Variants in NFIB observed in about 807,000 individuals in gnomAD.
NFIB encodes nuclear factor I B, also known as nuclear factor 1 B-type.
Under a neutral mutation model 61.5 loss-of-function variants are expected in NFIB, and 11 were observed. The ratio of observed to expected loss-of-function variants is 0.18; its 90% CI spans 0.11 to 0.30. NFIB has a LOEUF of 0.30. Among genes scored for constraint, NFIB ranks in the 10% least tolerant of loss-of-function variants. The pLI is 1.00. For synonymous variants in NFIB, 260 were observed against 216.5 expected, an observed-to-expected ratio of 1.20 and a Z score of -1.76; for missense variants, 471 against 608.9, an observed-to-expected ratio of 0.77 and a Z score of 2.38.
chr9:14,178,295 G>A (rs1208877192), intron 3 of NFIB, among the ~76,000 whole-genome samples: 2 of 152,152 alleles, frequency 1.3e-5, no homozygotes, highest in African/African-American at 4.8e-5. Context: ...CTGAACTTCT[G>A]AAAATTTTTG....
chr9:14,132,115 T>G (rs191532731), intron 6 of NFIB, among the ~76,000 whole-genome samples: 56 of 152,290 alleles, frequency 3.7e-4, no homozygotes, highest in Admixed American at 3.3e-3. Flanking sequence ...CACGCAAGAA[T>G]TCTTGAATTT....
At chr9:14,299,801 C>A (rs562069800) in intron 2 of NFIB, among the ~76,000 whole-genome samples, 1 of 152,240 alleles carries the variant, frequency 6.6e-6, no homozygotes, top group South Asian at 2.1e-4. Flanking sequence ...TTACTATAAA[C>A]AATATAGTTA....
At chr9:14,269,689 T>C (rs955050041) in intron 2 of NFIB, among the ~76,000 whole-genome samples, 3 of 152,216 alleles carry the variant, frequency 2.0e-5, no homozygotes, top group Admixed American at 6.5e-5. Flanking sequence ...AGTTCTACAA[T>C]TGGTGGCTTT....
the NFIB span, among the ~76,000 whole-genome samples, chr9:14,420,445 CA>C: frequency 0.022 from 937 of 42,330 alleles, 3 homozygotes; most frequent in African/African-American, 0.082. Flanking sequence ...GACTCCGTCT[CA>C]AAAAAAAAAA....
the NFIB span, among the ~76,000 whole-genome samples, chr9:14,489,127 G>C: frequency 6.6e-6 from 1 of 152,206 alleles, no homozygotes; most frequent in Non-Finnish European, 1.5e-5. Flanking sequence ...CCCTAGGTAA[G>C]TGAGGAATTG....
intron 10 of NFIB, among the ~76,000 whole-genome samples, chr9:14,089,186 T>C (rs1263809976): frequency 6.6e-6 from 1 of 152,050 alleles, no homozygotes; most frequent in South Asian, 2.1e-4. Context: ...AACAGAAGCC[T>C]GAGCATTTCC....
intron 2 of NFIB, among the ~76,000 whole-genome samples, chr9:14,284,291 G>C (rs1400048715): frequency 6.6e-6 from 1 of 152,172 alleles, no homozygotes. Context: ...TTATAAAACA[G>C]TAATAATAAG....
intron 2 of NFIB, chr9:14,204,412 GA>G: frequency 8.8e-7 from 1 of 1,137,798 alleles, no homozygotes; most frequent in Non-Finnish European, 1.3e-6. Flanking sequence ...CCCGCTTTGT[GA>G]AATGGCCCCG....
chr9:14,194,008 C>T (rs1321989989), intron 2 of NFIB, among the ~76,000 whole-genome samples: 6 of 151,968 alleles, frequency 3.9e-5, no homozygotes, highest in Admixed American at 6.6e-5. Context: ...CTTTTTAAAA[C>T]ATTATTTTCC....
chr9:14,287,598 A>G (rs980682666), intron 2 of NFIB, among the ~76,000 whole-genome samples: 3 of 151,214 alleles, frequency 2.0e-5, no homozygotes, highest in Non-Finnish European at 4.4e-5. Flanking sequence ...AATTTTTTGT[A>G]TTTTTTAGTA....
chr9:14,446,463 T>C, the NFIB span, among the ~76,000 whole-genome samples: 1 of 152,188 alleles, frequency 6.6e-6, no homozygotes, highest in Non-Finnish European at 1.5e-5. Context: ...TCTTTCTGGA[T>C]AATTTCTACA....
chr9:14,294,366 A>G (rs188652340), intron 2 of NFIB, among the ~76,000 whole-genome samples: 204 of 152,354 alleles, frequency 1.3e-3, no homozygotes, highest in Admixed American at 2.5e-3. Flanking sequence ...TTTAACAACC[A>G]TGTATACGCT....
chr9:14,427,909 C>T, the NFIB span, among the ~76,000 whole-genome samples: 1 of 115,950 alleles, frequency 8.6e-6, no homozygotes, highest in Non-Finnish European at 1.8e-5. Flanking sequence ...AGAAAAGGTA[C>T]AGATCTACAT....
At chr9:14,418,586 C>G in the NFIB span, among the ~76,000 whole-genome samples, 1 of 152,168 alleles carries the variant, frequency 6.6e-6, no homozygotes, top group Non-Finnish European at 1.5e-5. Context: ...GCTGCAGAGT[C>G]TGCGTGTGAG....
At position 14,299,947 on chromosome 9, in the gene NFIB, TAAC is replaced by T. The variant is rs2059661061; in HGVS notation, c.562+7039_562+7041del. Among the ~76,000 whole-genome samples the T allele has an allele frequency of 2.0e-5, 3 of 152,328 alleles. No individual in the cohort carries two copies. The South Asian group carries it at 6.2e-4, about 32-fold the overall frequency. On this transcript the variant is annotated intron_variant, in intron 2 of 10. Coordinates refer to ENST00000380953, the MANE Select transcript of NFIB (RefSeq NM_001190737.2). The stretch of plus-strand genomic sequence containing the variant: ...ATTTCTTCCAATTTTCTGAATAATA[TAAC>T]AACCAAAAAGCCCAACCATTCAAGT...
chr9:14,154,457 G>A (rs1413056932), intron 4 of NFIB, among the ~76,000 whole-genome samples: 1 of 152,078 alleles, frequency 6.6e-6, no homozygotes, highest in African/African-American at 2.4e-5. Flanking sequence ...TGGTAAGTCA[G>A]GCATATTTCT....
intron 1 of NFIB, among the ~76,000 whole-genome samples, chr9:14,371,847 A>G (rs1043346372): frequency 6.6e-6 from 1 of 152,200 alleles, no homozygotes; most frequent in Non-Finnish European, 1.5e-5. Context: ...TTGTCAATGT[A>G]CTTGTTCTCA....
intron 1 of NFIB, among the ~76,000 whole-genome samples, chr9:14,339,419 C>A (rs1000900502): frequency 1.3e-5 from 2 of 152,144 alleles, no homozygotes; most frequent in African/African-American, 4.8e-5. Context: ...ATGGCTGATT[C>A]TTTGATCATT....
the NFIB span, among the ~76,000 whole-genome samples, chr9:14,443,228 C>T: frequency 1.4e-4 from 21 of 152,182 alleles, no homozygotes; most frequent in Non-Finnish European, 2.9e-5. Context: ...GAATGATCAT[C>T]TCCGTTCTCC....
Sources: allele counts gnomAD v4.1 joint callset (sites outside exome capture counted in the v4.1 genomes callset), GRCh38; gene constraint gnomAD v4.1.1; transcripts MANE v1.5; gene names NCBI Gene and HGNC (gene_info 2026-07-23, HGNC 2026-07-21).